Variants in BDNF observed in about 807,000 individuals in gnomAD.
The protein encoded by BDNF is neurotrophic factor BDNF precursor form.
Under a neutral mutation model 19.5 loss-of-function variants are expected in BDNF, and 1 was observed. That is an observed-to-expected ratio of 0.05 (90% CI 0.02 to 0.24). The LOEUF (loss-of-function observed/expected upper bound fraction) is 0.24, where lower values mean the gene tolerates loss of function less well. BDNF is among the 10% of genes least tolerant of loss of function. The pLI, the probability that BDNF is intolerant of heterozygous loss-of-function variation, is 1.00. For missense variants in BDNF, 195 were observed against 317.6 expected, an observed-to-expected ratio of 0.61 and a Z score of 2.93; for synonymous variants, 100 against 121.6, an observed-to-expected ratio of 0.82 and a Z score of 1.17.
intron 1 of BDNF, among the ~76,000 whole-genome samples, chr11:27,682,437 C>A (rs971613788): frequency 5.3e-5 from 8 of 150,812 alleles, no homozygotes; most frequent in African/African-American, 2.0e-4. Context: ...CTTTTAAGTT[C>A]TGGGGTACAT....
intron 1 of BDNF, chr11:27,720,782 T>G: frequency 1.0e-6 from 1 of 987,958 alleles, no homozygotes; most frequent in Non-Finnish European, 1.2e-6. Context: ...TTGATATTGC[T>G]CTAGACGGTT....
chr11:27,658,816 A>G lies in BDNF; in HGVS notation c.-21-231T>C, dbSNP rs1177402283. ...GTGTTTCCCCCAAGATCTAGCATAT[A>G]AACCTGAGATTAGATGGCTTCTAAG... is the stretch of plus-strand genomic sequence containing the variant. On this transcript the variant is annotated intron_variant, in intron 1 of 1. Coordinates refer to ENST00000356660, the MANE Select transcript of BDNF (RefSeq NM_001709.5). The surrounding 1 kb of genome is among the most constrained non-coding windows in gnomAD (Gnocchi z 5.7). The G allele has an allele frequency of 1.4e-6, 2 of 1,413,632 alleles. No individual in the cohort carries two copies. The highest frequency in any genetic ancestry group is 1.9e-6 in the Non-Finnish European group (2 of 1,079,892). 87.6% of individuals were successfully genotyped at this position (1,413,632 alleles called of 1,614,324 possible).
chr11:27,701,199 G>C, upstream of BDNF: 6 of 1,187,766 alleles, frequency 5.1e-6, no homozygotes, highest in Non-Finnish European at 6.6e-6. Context: ...ACTTGTTCCA[G>C]CCAGGAAGCC....
In BDNF at chr11:27,666,031, T is replaced by C. The variant is rs373108285; in HGVS notation, c.-21-7446A>G. ...GAGGCACCTCCCAGTAGGGGCCGAC[T>C]GACACCTCATACGGCCAGGTGCCCC... On this transcript the variant is annotated intron_variant, in intron 1 of 1. Transcript: ENST00000356660. 3.3e-4 allele frequency among the ~76,000 whole-genome samples: 51 copies of C among 152,342 alleles called. 1 individual carries two copies. Among genetic ancestry groups the C allele is most frequent in the African/African-American group, 1.2e-3 (50 of 41,588 alleles).
At chr11:27,662,248 G>A (rs1418276105) in intron 1 of BDNF, among the ~76,000 whole-genome samples, 1 of 152,146 alleles carries the variant, frequency 6.6e-6, no homozygotes, top group Non-Finnish European at 1.5e-5. Flanking sequence ...AACCGTATTT[G>A]CTCATTCTAG....
chr11:27,683,641 G>A (rs11030112), intron 1 of BDNF, among the ~76,000 whole-genome samples: 41,074 of 151,920 alleles, frequency 0.27, 5,854 homozygotes, highest in South Asian at 0.35. Flanking sequence ...CAGTTTTCCC[G>A]ACACCATTTA....
intron 1 of BDNF, chr11:27,699,648 T>C (rs1413143921): frequency 7.0e-7 from 1 of 1,431,778 alleles, no homozygotes; most frequent in Non-Finnish European, 9.1e-7. Flanking sequence ...TCTCAATTCC[T>C]GGGGAGCAGG....
rs529872632 is a variant in BDNF at position 27,687,317 on chromosome 11, T to C, written c.-22+12847A>G. Among the ~76,000 whole-genome samples the C allele has an allele frequency of 7.2e-5, 11 of 152,330 alleles. No homozygotes were observed. In the East Asian group the frequency reaches 1.7e-3, roughly 24 times the overall value. ...TAGTTAGCAATTCCTCCAACCTTTT[T>C]TCAAGGTTCTTAGCTTCTTTGCATT... On this transcript the variant is annotated intron_variant, in intron 1 of 1. Transcript: ENST00000356660.
At chr11:27,686,217 C>T (rs371300734) in intron 1 of BDNF, among the ~76,000 whole-genome samples, 3 of 151,984 alleles carry the variant, frequency 2.0e-5, no homozygotes, top group African/African-American at 7.3e-5. Context: ...AGGATTGCAA[C>T]CCCTGCTTTT....
chr11:27,679,289 C>A (rs1048674394), intron 1 of BDNF, among the ~76,000 whole-genome samples: 3 of 152,176 alleles, frequency 2.0e-5, no homozygotes, highest in Non-Finnish European at 4.4e-5. Context: ...ATAGAAATTT[C>A]TCTAGGAGGC....
chr11:27,671,150 C>T (rs190603420), intron 1 of BDNF, among the ~76,000 whole-genome samples: 2 of 151,996 alleles, frequency 1.3e-5, no homozygotes, highest in East Asian at 3.9e-4. Flanking sequence ...CACACTGGGA[C>T]CTGTCATGGA....
chr11:27,678,910 CA>C (rs1300568360), intron 1 of BDNF, among the ~76,000 whole-genome samples: 1 of 152,146 alleles, frequency 6.6e-6, no homozygotes, highest in Non-Finnish European at 1.5e-5. Context: ...AAACTAAGCA[CA>C]AAAATTCAAG....
upstream of BDNF, chr11:27,700,901 C>T (rs1590467930): frequency 1.3e-5 from 17 of 1,313,956 alleles, no homozygotes; most frequent in East Asian, 4.9e-4. Context: ...TTTCAACTCT[C>T]CCCTTCCTCC....
intron 1 of BDNF, among the ~76,000 whole-genome samples, chr11:27,717,377 C>G (rs1364446117): frequency 6.6e-6 from 1 of 152,072 alleles, no homozygotes. Flanking sequence ...CATAATGATA[C>G]CTCCCATTTA....
At position 27,679,386 on chromosome 11, in the gene BDNF, AT is replaced by A. The variant is rs1264138690; in HGVS notation, c.-22+20777del. Among the ~76,000 whole-genome samples the A allele has an allele frequency of 3.3e-5, 5 of 152,328 alleles. No homozygotes were observed. In the East Asian group the frequency reaches 9.6e-4, roughly 29 times the overall value. On this transcript the variant is annotated intron_variant, in intron 1 of 1. Coordinates refer to ENST00000356660, the MANE Select transcript of BDNF (RefSeq NM_001709.5). ...TAAGTAAGAATTAAAGATATGTTAC[AT>A]TTTTTATGAATTAGTCATTTATTCA... is the stretch of plus-strand genomic sequence containing the variant.
At chr11:27,717,519 G>A (rs1388076786) in intron 1 of BDNF, among the ~76,000 whole-genome samples, 1 of 152,166 alleles carries the variant, frequency 6.6e-6, no homozygotes, top group African/African-American at 2.4e-5. Context: ...ATTCTCATCT[G>A]AATCAATACT....
At chr11:27,697,808 A>G (rs566567314) in intron 1 of BDNF, 2 of 152,388 alleles carry the variant, frequency 1.3e-5, no homozygotes, top group African/African-American at 4.8e-5. Context: ...TGAATGGGCT[A>G]TGAAAGGCTC....
intron 1 of BDNF, among the ~76,000 whole-genome samples, chr11:27,709,787 A>G (rs1860256102): frequency 6.6e-6 from 1 of 152,202 alleles, no homozygotes; most frequent in African/African-American, 2.4e-5. Context: ...CAATCAATCA[A>G]ATGAGGTCAG....
At chr11:27,721,586 C>A (rs1860740250) in exon 1 of BDNF, 1 of 719,812 alleles carries the variant, frequency 1.4e-6, no homozygotes, top group East Asian at 2.6e-5. Context: ...GCAATATCCG[C>A]AAGCTTAAAC....
Sources: gnomAD v4.1 joint callset for allele counts (sites outside exome capture counted in the v4.1 genomes callset) on GRCh38, gnomAD v4.1.1 for gene constraint, Gnocchi (gnomAD v3.1) non-coding constraint, MANE v1.5 for transcripts, NCBI Gene and HGNC (gene_info 2026-07-23, HGNC 2026-07-21) for gene names.